HUWE1: variants seen among roughly 807,000 people sequenced by gnomAD.
HUWE1 encodes E3 ubiquitin-protein ligase HUWE1.
Under a neutral mutation model 299.4 loss-of-function variants are expected in HUWE1, and 18 were observed. The observed-to-expected ratio is 0.06, with a 90% CI of 0.04 to 0.09. The LOEUF (loss-of-function observed/expected upper bound fraction) is 0.09. Ranked by LOEUF, HUWE1 falls within the 10% of genes least tolerant of loss-of-function variation. The pLI, the probability that HUWE1 is intolerant of heterozygous loss-of-function variation, is 1.00. For synonymous variants in HUWE1, 1,317 were observed against 1,286.1 expected (o/e 1.02, Z -0.51); for missense variants, 1,832 against 3,462.3 (o/e 0.53, Z 11.82).
chrX:53,667,772 A>G (rs1312740232), intron 3 of HUWE1, among the ~76,000 whole-genome samples: 1 of 111,834 alleles, frequency 8.9e-6, no homozygotes, highest in African/African-American at 3.3e-5. Context: ...TCCTATACTG[A>G]AGGATGACCA....
chrX:53,631,197 TTA>T (rs782192977), intron 11 of HUWE1, among the ~76,000 whole-genome samples, 163 bp from the exon 12 acceptor site: 156 of 111,912 alleles, frequency 1.4e-3, no homozygotes, highest in African/African-American at 4.9e-3. Flanking sequence ...GTGAGGTAGT[TTA>T]TGTTTTCCTC....
At chrX:53,614,017 C>T (rs1752263723) in intron 23 of HUWE1, among the ~76,000 whole-genome samples, 1 of 112,247 alleles carries the variant, frequency 8.9e-6, no homozygotes, top group African/African-American at 3.2e-5. Flanking sequence ...GTAATCCTAA[C>T]ACTTTGGGAA....
chrX:53,640,111 C>T (rs1207553058), intron 7 of HUWE1, among the ~76,000 whole-genome samples: 1 of 112,946 alleles, frequency 8.9e-6, no homozygotes, highest in Non-Finnish European at 1.9e-5. Flanking sequence ...GTAATCCCAG[C>T]ACTTTGGGAG....
chrX:53,542,964 G>A (rs1413048934), intron 73 of HUWE1: 2 of 127,886 alleles, frequency 1.6e-5, no homozygotes, highest in African/African-American at 6.5e-5. Context: ...GGAAATAATA[G>A]GAGAATTAGA....
rs781788404 is a variant in HUWE1, at chrX:53,548,088, G to A, written c.10221C>T (p.Ser3407=). The change falls in exon 68 of 84, where the codon TCC becomes TCT. Residue 3407 remains serine, a synonymous_variant. Coordinates refer to ENST00000262854, the MANE Select transcript of HUWE1 (RefSeq NM_031407.7). ...NMNVSRKGKN[S]VKSVPVSAGG... is the part of the protein sequence containing the mutation. ...CAGCGCTCACTGGCACTGACTTCAC[G>A]GAGTTCTTGCCTTTCCGGCTGACAT... 47 of 1,207,466 alleles carry A rather than the reference G, an allele frequency of 3.9e-5. No homozygotes were observed. The Admixed American group carries it at 8.8e-4, about 23-fold the overall frequency.
At chrX:53,646,921 G>A (rs1425080041) in intron 6 of HUWE1, among the ~76,000 whole-genome samples, 2 of 111,872 alleles carry the variant, frequency 1.8e-5, no homozygotes, top group African/African-American at 3.2e-5. Context: ...AGGATGCTAT[G>A]AATATATATT....
chrX:53,607,848 G>A (rs967488462), intron 24 of HUWE1, 149 bp from the exon 25 acceptor site: 49 of 450,774 alleles, frequency 1.1e-4, no homozygotes, highest in Admixed American at 1.8e-4. Context: ...TGTATGATAC[G>A]GATTCTAAAA....
intron 30 of HUWE1, among the ~76,000 whole-genome samples, chrX:53,594,897 C>G (rs1556983439): frequency 2.7e-5 from 3 of 111,399 alleles, no homozygotes; most frequent in Non-Finnish European, 5.6e-5. Flanking sequence ...TTCCAAAACC[C>G]AAAAAATTCC....
chrX:53,602,413 G>T, intron 28 of HUWE1, 151 bp downstream of exon 28: 3 of 352,424 alleles, frequency 8.5e-6, no homozygotes, highest in Non-Finnish European at 1.5e-5. Context: ...ATGTATATAT[G>T]TTTTTATGGA....
intron 67 of HUWE1, 65 bp downstream of exon 67, chrX:53,548,894 A>C: frequency 1.2e-5 from 12 of 990,193 alleles, no homozygotes; most frequent in Non-Finnish European, 1.5e-5. Flanking sequence ...TTAGTGTTCA[A>C]CTTTCACCCA....
intron 13 of HUWE1, among the ~76,000 whole-genome samples, chrX:53,629,131 C>T (rs934914901): frequency 2.7e-5 from 3 of 110,707 alleles, no homozygotes; most frequent in Non-Finnish European, 5.7e-5. Context: ...CTGGGAAAAA[C>T]CAAAAGGCAA....
In HUWE1 at chrX:53,673,860, TACAGA is replaced by T. The variant is rs1406064528; in HGVS notation, c.-25+6184_-25+6188del. 1.0e-3 allele frequency among the ~76,000 whole-genome samples: 112 copies of T among 111,612 alleles called. 1 individual carries two copies. The Admixed American group carries it at 0.01, about 10-fold the overall frequency. On this transcript the variant is annotated intron_variant, in intron 3 of 83. Coordinates refer to ENST00000262854, the MANE Select transcript of HUWE1 (RefSeq NM_031407.7). ...TTTTCAGAAGTAGAAATGCACATAT[TACAGA>T]AAAAGGTAAAGTTCCCCACGATCCC...
chrX:53,558,575 T>A (rs1477583280), intron 59 of HUWE1, 80 bp downstream of exon 59: 2 of 970,304 alleles, frequency 2.1e-6, no homozygotes, highest in Non-Finnish European at 3.0e-6. Flanking sequence ...TCTTCAGTGA[T>A]TCCTGGTGCC....
intron 79 of HUWE1, 46 bp from the exon 80 acceptor site, chrX:53,536,298 G>A: frequency 2.6e-6 from 3 of 1,149,923 alleles, no homozygotes; most frequent in Non-Finnish European, 3.6e-6. Flanking sequence ...GAGTGGGGGG[G>A]AAGAAGGAGC....
At chrX:53,631,508 A>G in intron 10 of HUWE1, 26 bp from the exon 11 acceptor site, 1 of 1,173,838 alleles carries the variant, frequency 8.5e-7, no homozygotes, top group Non-Finnish European at 1.2e-6. Context: ...AGATATAGTT[A>G]GGAACAAAAA....
At chrX:53,536,979 G>C (rs2061092937) in intron 78 of HUWE1, among the ~76,000 whole-genome samples, 1 of 112,304 alleles carries the variant, frequency 8.9e-6, no homozygotes. Flanking sequence ...AGTGGTATTA[G>C]AGAGGGATAA....
chrX:53,601,503 G>C (rs1556990703), intron 28 of HUWE1, among the ~76,000 whole-genome samples: 1 of 109,363 alleles, frequency 9.1e-6, no homozygotes, highest in East Asian at 2.9e-4. Context: ...TTTATACACA[G>C]AATTATCTTC....
intron 3 of HUWE1, among the ~76,000 whole-genome samples, chrX:53,678,670 G>A (rs1557051996): frequency 8.9e-6 from 1 of 112,155 alleles, no homozygotes; most frequent in African/African-American, 3.2e-5. Context: ...AGAACTGTAT[G>A]ACAGCCAGGA....
At chrX:53,644,552 A>G (rs1222143442) in intron 7 of HUWE1, among the ~76,000 whole-genome samples, 1 of 112,294 alleles carries the variant, frequency 8.9e-6, no homozygotes, top group African/African-American at 3.2e-5. Context: ...GGGATGAATT[A>G]TAGGTGATTG....
Sources: allele counts gnomAD v4.1 joint callset (sites outside exome capture counted in the v4.1 genomes callset), GRCh38; gene constraint gnomAD v4.1.1; transcripts MANE v1.5; gene names NCBI Gene and HGNC (gene_info 2026-07-23, HGNC 2026-07-21).